The following ROBO2 variants were observed in gnomAD, a reference collection of about 807,000 sequenced individuals.
The protein encoded by ROBO2 is roundabout homolog 2.
A neutral mutation model predicts 160.8 loss-of-function variants in ROBO2; 53 were observed. The ratio of observed to expected loss-of-function variants is 0.33; its 90% CI spans 0.26 to 0.41. The LOEUF is 0.41. ROBO2 is among the 10% of genes least tolerant of loss of function. The probability of loss-of-function intolerance (pLI) is 1.00; values close to 1 mark genes in which losing one functional copy is unlikely to be tolerated. For missense variants in ROBO2, 1,577 were observed against 1,722.4 expected, an observed-to-expected ratio of 0.92 and a Z score of 1.49; for synonymous variants, 664 against 611.7, an observed-to-expected ratio of 1.09 and a Z score of -1.26.
rs941544689 is a variant in ROBO2 at position 76,335,687 on chromosome 3, C to T, written c.109+398085C>T. Among the ~76,000 whole-genome samples the T allele has an allele frequency of 2.0e-5, 3 of 151,998 alleles. No homozygotes were observed. The South Asian group carries it at 6.2e-4, about 32-fold the overall frequency. On this transcript the variant is annotated intron_variant, in intron 2 of 26. Coordinates refer to the ROBO2 transcript ENST00000487694. Reference sequence around the variant, plus strand: ...CCACCTCCCGGGTTCACGCCATTCTCCTGCCTCAGCCTCCCGAGCAGCTGG... The same window carrying T: ...CCACCTCCCGGGTTCACGCCATTCTTCTGCCTCAGCCTCCCGAGCAGCTGG...
At chr3:76,487,222 C>T (rs1044811727) in intron 2 of ROBO2, among the ~76,000 whole-genome samples, 2 of 151,244 alleles carry the variant, frequency 1.3e-5, no homozygotes, top group African/African-American at 4.9e-5. Flanking sequence ...TCAAGCGATT[C>T]TCCTGCCTCA....
intron 2 of ROBO2, among the ~76,000 whole-genome samples, chr3:76,404,387 G>A (rs1576985427): frequency 6.6e-6 from 1 of 151,622 alleles, no homozygotes; most frequent in African/African-American, 2.4e-5. Context: ...ATAATTGAGA[G>A]TAAAGCAGTT....
intron 2 of ROBO2, among the ~76,000 whole-genome samples, chr3:76,481,152 T>C (rs1033369984): frequency 6.6e-6 from 1 of 152,094 alleles, no homozygotes; most frequent in Non-Finnish European, 1.5e-5. Context: ...GTTTTTGAAA[T>C]TGATGTTGGC....
intron 2 of ROBO2, among the ~76,000 whole-genome samples, chr3:76,056,829 T>C (rs1055806242): frequency 6.6e-6 from 1 of 152,194 alleles, no homozygotes; most frequent in Non-Finnish European, 1.5e-5. Flanking sequence ...TACCCTATAA[T>C]AGAGGAAAGT....
At chr3:77,220,489 A>T (rs781473095) in intron 2 of ROBO2, among the ~76,000 whole-genome samples, 4 of 151,942 alleles carry the variant, frequency 2.6e-5, no homozygotes, top group Non-Finnish European at 5.9e-5. Context: ...TCATTTATAT[A>T]TGTCATTTTT....
intron 2 of ROBO2, among the ~76,000 whole-genome samples, chr3:77,434,880 C>T (rs898493721): frequency 2.0e-5 from 3 of 151,908 alleles, no homozygotes; most frequent in South Asian, 2.1e-4. Context: ...TTAATGCACT[C>T]GCATATAAAA....
chr3:76,078,771 G>C (rs1473748199), intron 2 of ROBO2, among the ~76,000 whole-genome samples: 1 of 152,172 alleles, frequency 6.6e-6, no homozygotes, highest in Non-Finnish European at 1.5e-5. Flanking sequence ...TGTAATTGGA[G>C]TAGATAATAT....
At chr3:76,756,682 C>T (rs1576447231) in intron 2 of ROBO2, among the ~76,000 whole-genome samples, 1 of 151,760 alleles carries the variant, frequency 6.6e-6, no homozygotes, top group Admixed American at 6.6e-5. Context: ...AGTATGTTTT[C>T]CTACTGGATA....
intron 1 of ROBO2, among the ~76,000 whole-genome samples, chr3:77,085,878 A>G (rs1297862547): frequency 3.9e-5 from 6 of 152,100 alleles, no homozygotes; most frequent in Non-Finnish European, 8.8e-5. Flanking sequence ...ACTACTGGTA[A>G]AAGTGCATTT....
intron 2 of ROBO2, among the ~76,000 whole-genome samples, chr3:76,898,756 A>C (rs1192944767): frequency 3.9e-5 from 6 of 152,128 alleles, no homozygotes; most frequent in Admixed American, 2.0e-4. Flanking sequence ...CGGTGTGAAG[A>C]ATCATTATTA....
intron 2 of ROBO2, among the ~76,000 whole-genome samples, chr3:76,549,194 T>C (rs1235373257): frequency 6.6e-6 from 1 of 152,186 alleles, no homozygotes; most frequent in Admixed American, 6.5e-5. Flanking sequence ...TTTTTTATTT[T>C]TAAGTTTTAA....
chr3:77,568,759 G>T (rs1336462949), intron 13 of ROBO2, among the ~76,000 whole-genome samples: 2 of 151,800 alleles, frequency 1.3e-5, no homozygotes, highest in East Asian at 3.9e-4. Context: ...TCTAATTTTA[G>T]AACATTTCAT....
chr3:77,283,727 T>A (rs1308429081), intron 2 of ROBO2, among the ~76,000 whole-genome samples: 1 of 152,142 alleles, frequency 6.6e-6, no homozygotes, highest in Non-Finnish European at 1.5e-5. Flanking sequence ...ATAAAGATGG[T>A]CCATATGGAA....
chr3:76,848,672 A>C (rs1442578246), intron 2 of ROBO2, among the ~76,000 whole-genome samples: 1 of 152,128 alleles, frequency 6.6e-6, no homozygotes, highest in Non-Finnish European at 1.5e-5. Context: ...TCCTGATGTC[A>C]CCTCCTTGCT....
intron 2 of ROBO2, among the ~76,000 whole-genome samples, chr3:77,352,061 A>G (rs2068420835): frequency 6.6e-6 from 1 of 151,192 alleles, no homozygotes; most frequent in Non-Finnish European, 1.5e-5. Context: ...ACAAACCTGC[A>G]CATTGTGCAC....
At chr3:77,564,158 C>T (rs2093415044) in intron 11 of ROBO2, among the ~76,000 whole-genome samples, 1 of 152,028 alleles carries the variant, frequency 6.6e-6, no homozygotes, top group South Asian at 2.1e-4. Flanking sequence ...TTTCAAAATA[C>T]TACGTTTCTA....
chr3:76,457,693 T>G (rs1204035965), intron 2 of ROBO2, among the ~76,000 whole-genome samples: 1 of 152,206 alleles, frequency 6.6e-6, no homozygotes, highest in Non-Finnish European at 1.5e-5. Context: ...GCCCTGCCCG[T>G]GCAGAAACCT....
chr3:77,016,003 G>A (rs1453123883), intron 2 of ROBO2, among the ~76,000 whole-genome samples: 1 of 151,408 alleles, frequency 6.6e-6, no homozygotes, highest in Non-Finnish European at 1.5e-5. Context: ...TTGAGACAGA[G>A]CCTTGCTCTG....
rs541038088 is a variant in ROBO2 at position 76,514,361 on chromosome 3, T to C, written c.109+576759T>C. ...CCCCAACTTTAAGAACTGCTTAAGA[T>C]ACCATCCCAAACATGAGAATAAACT... On this transcript the variant is annotated intron_variant, in intron 2 of 26. Transcript: ENST00000487694. Among the ~76,000 whole-genome samples the C allele has an allele frequency of 2.0e-5, 3 of 152,292 alleles. No homozygotes were observed. The East Asian group carries it at 5.8e-4, about 29-fold the overall frequency.
Sources: gnomAD v4.1 joint callset for allele counts (sites outside exome capture counted in the v4.1 genomes callset) on GRCh38, gnomAD v4.1.1 for gene constraint, MANE v1.5 for transcripts, NCBI Gene and HGNC (gene_info 2026-07-23, HGNC 2026-07-21) for gene names.